Variants in CNTLN observed in about 807,000 individuals in gnomAD.
The protein encoded by CNTLN is centlein.
In CNTLN, 212 loss-of-function variants were observed where a neutral mutation model predicts 180.0. That is an observed-to-expected ratio of 1.18 (90% CI 1.05 to 1.32). The LOEUF is 1.32. Among genes scored for constraint, CNTLN ranks in the 40% most tolerant of loss-of-function variants. The probability of loss-of-function intolerance (pLI) is 0.00; values close to 1 mark genes in which losing one functional copy is unlikely to be tolerated. For missense variants in CNTLN, 2,095 were observed against 1,610.9 expected (o/e 1.30, Z -5.14); for synonymous variants, 722 against 563.1 (o/e 1.28, Z -3.99).
intron 13 of CNTLN, among the ~76,000 whole-genome samples, chr9:17,377,523 A>G (rs1232674459): frequency 1.3e-5 from 2 of 152,140 alleles, no homozygotes; most frequent in East Asian, 3.9e-4. Flanking sequence ...CCTGGGCGCC[A>G]CTTCACTCCA....
chr9:17,499,579 A>G (rs1045601732), intron 25 of CNTLN, among the ~76,000 whole-genome samples: 3 of 152,218 alleles, frequency 2.0e-5, no homozygotes, highest in African/African-American at 7.2e-5. Context: ...CCATAAACCA[A>G]GAACTATTTG....
intron 18 of CNTLN, among the ~76,000 whole-genome samples, chr9:17,438,203 C>T (rs1829891602): frequency 6.6e-6 from 1 of 151,868 alleles, no homozygotes; most frequent in Non-Finnish European, 1.5e-5. Context: ...TCAGGTGATT[C>T]TGATGTAGAA....
At chr9:17,406,199 T>TA (rs1015434264) in intron 15 of CNTLN, among the ~76,000 whole-genome samples, 3 of 151,860 alleles carry the variant, frequency 2.0e-5, no homozygotes, top group Non-Finnish European at 4.4e-5. Context: ...TCATTACATC[T>TA]ACTCTGTCAG....
intron 2 of CNTLN, among the ~76,000 whole-genome samples, chr9:17,159,296 C>A (rs184408742): frequency 2.0e-5 from 3 of 152,146 alleles, no homozygotes; most frequent in Non-Finnish European, 4.4e-5. Flanking sequence ...GAGATTAGGC[C>A]TTGTTTTACA....
chr9:17,348,371 G>A (rs1017803376), intron 12 of CNTLN, among the ~76,000 whole-genome samples: 38 of 152,138 alleles, frequency 2.5e-4, no homozygotes, highest in African/African-American at 9.2e-4. Context: ...ATGCCTGAGG[G>A]AGAAGGTCAC....
At chr9:17,312,364 T>TATATATAATATATATATATATATATA (rs369729227) in intron 8 of CNTLN, among the ~76,000 whole-genome samples, 2 of 20,184 alleles carry the variant, frequency 9.9e-5, no homozygotes, top group African/African-American at 2.3e-4. Context: ...TATATATATA[T>TATATATAATATATATATATATATATA]TATATATATA....
chr9:17,511,648 T>TCTCTCTCA, the CNTLN span, among the ~76,000 whole-genome samples: 1,378 of 146,668 alleles, frequency 9.4e-3, 11 homozygotes, highest in Middle Eastern at 0.027. Flanking sequence ...TCTCTCTCTC[T>TCTCTCTCA]CACACACACA....
At chr9:17,491,244 A>G (rs987564311) in intron 25 of CNTLN, among the ~76,000 whole-genome samples, 1 of 152,084 alleles carries the variant, frequency 6.6e-6, no homozygotes, top group Non-Finnish European at 1.5e-5. Context: ...TATATATATG[A>G]GTACCTTCTA....
At chr9:17,207,109 C>G (rs942513495) in intron 2 of CNTLN, among the ~76,000 whole-genome samples, 3 of 152,216 alleles carry the variant, frequency 2.0e-5, no homozygotes, top group Non-Finnish European at 2.9e-5. Context: ...GCTTCCCAGT[C>G]TGATGGTGAA....
chr9:17,203,740 G>C (rs1822716900), intron 2 of CNTLN, among the ~76,000 whole-genome samples: 1 of 152,102 alleles, frequency 6.6e-6, no homozygotes, highest in Non-Finnish European at 1.5e-5. Context: ...GTATTTTTTA[G>C]TAGAGACGGG....
At chr9:17,252,864 C>T (rs1826231797) in intron 5 of CNTLN, among the ~76,000 whole-genome samples, 2 of 149,280 alleles carry the variant, frequency 1.3e-5, no homozygotes. Flanking sequence ...GGAGAGTTTT[C>T]TCTATGTTTT....
At chr9:17,162,784 A>G (rs182907875) in intron 2 of CNTLN, among the ~76,000 whole-genome samples, 2 of 152,194 alleles carry the variant, frequency 1.3e-5, no homozygotes, top group Non-Finnish European at 2.9e-5. Flanking sequence ...AAAGTCAGTC[A>G]ATAGAAACAT....
rs182987452 is a variant in CNTLN, at chr9:17,402,513, G to A, written c.2616-6780G>A. 1.1e-4 allele frequency among the ~76,000 whole-genome samples: 16 copies of A among 151,966 alleles called. No individual in the cohort carries two copies. In the East Asian group the frequency reaches 3.1e-3, roughly 29 times the overall value. ...AATTATAGGGACAGTAGCCCCCTCT[G>A]TTGGTTATGTATCAACTTGTTATGT... On this transcript the variant is annotated intron_variant, in intron 15 of 25. Coordinates refer to ENST00000380647, the MANE Select transcript of CNTLN (RefSeq NM_017738.4).
chr9:17,372,749 A>C (rs1173744371), intron 13 of CNTLN, among the ~76,000 whole-genome samples: 3 of 152,182 alleles, frequency 2.0e-5, no homozygotes, highest in African/African-American at 7.2e-5. Flanking sequence ...AGCAAGCTGA[A>C]TTCAACAACA....
chr9:17,228,781 C>G (rs79371988), intron 3 of CNTLN, among the ~76,000 whole-genome samples: 1 of 152,010 alleles, frequency 6.6e-6, no homozygotes, highest in Admixed American at 6.6e-5. Flanking sequence ...GTAAATGGAA[C>G]CATAAGGACT....
chr9:17,524,588 C>G, the CNTLN span, among the ~76,000 whole-genome samples: 1,652 of 152,328 alleles, frequency 0.011, 33 homozygotes, highest in African/African-American at 0.038. Flanking sequence ...ATGTCCCATT[C>G]AAGTTGACAC....
Position 17,256,567 on chromosome 9 carries a change from T to G in CNTLN, c.850-17166T>G, listed in dbSNP as rs142413946. On this transcript the variant is annotated intron_variant, in intron 5 of 25. Coordinates refer to ENST00000380647, the MANE Select transcript of CNTLN (RefSeq NM_017738.4). Reference sequence around the variant, plus strand: ...GGCTGTTTGTATGTCTTCTCTTTTTTTTTTTAGTGTAAAGCTCTTAGTTGT... The same window carrying G: ...GGCTGTTTGTATGTCTTCTCTTTTTGTTTTTAGTGTAAAGCTCTTAGTTGT... 3.1e-3 allele frequency among the ~76,000 whole-genome samples: 472 copies of G among 151,832 alleles called. 4 individuals carry two copies. Among genetic ancestry groups the G allele is most frequent in the African/African-American group, 0.011 (449 of 41,452 alleles).
intron 5 of CNTLN, among the ~76,000 whole-genome samples, chr9:17,268,799 C>T (rs1181711671): frequency 2.6e-5 from 4 of 151,846 alleles, no homozygotes; most frequent in African/African-American, 4.8e-5. Flanking sequence ...GACTGCTGTG[C>T]TAGCAATCAG....
At chr9:17,215,038 CTTCT>C (rs1823635733) in intron 2 of CNTLN, among the ~76,000 whole-genome samples, 2 of 152,150 alleles carry the variant, frequency 1.3e-5, no homozygotes, top group African/African-American at 4.8e-5. Flanking sequence ...TGTCTGAAGC[CTTCT>C]TTTCTCAACT....
Sources: allele counts gnomAD v4.1 joint callset (sites outside exome capture counted in the v4.1 genomes callset), GRCh38; gene constraint gnomAD v4.1.1; transcripts MANE v1.5; gene names NCBI Gene and HGNC (gene_info 2026-07-23, HGNC 2026-07-21).